Variants in DRC3 observed in about 807,000 individuals in gnomAD.
The protein encoded by DRC3 is dynein regulatory complex subunit 3, also known as leucine rich repeat containing 48.
A neutral mutation model predicts 57.6 loss-of-function variants in DRC3; 45 were observed. The observed-to-expected ratio is 0.78, with a 90% CI of 0.62 to 1.00. DRC3 has a LOEUF of 1.00. Among genes scored for constraint, DRC3 ranks in the 50% least tolerant of loss-of-function variants. The probability of loss-of-function intolerance (pLI) is 0.00; values close to 1 mark genes in which losing one functional copy is unlikely to be tolerated. For synonymous variants in DRC3, 257 were observed against 272.3 expected, an observed-to-expected ratio of 0.94 and a Z score of 0.55; for missense variants, 655 against 675.2, an observed-to-expected ratio of 0.97 and a Z score of 0.33.
At chr17:17,981,361 G>A in intron 3 of DRC3, 1 of 207,346 alleles carries the variant, frequency 4.8e-6, no homozygotes. Flanking sequence ...GGCATTGGCA[G>A]GGTACCAAGT....
chr17:17,979,056 G>A (rs1488423211), intron 3 of DRC3, among the ~76,000 whole-genome samples: 1 of 152,244 alleles, frequency 6.6e-6, no homozygotes, highest in East Asian at 1.9e-4. Context: ...TGGGGGTGGA[G>A]TACAGTGTTT....
intron 2 of DRC3, among the ~76,000 whole-genome samples, chr17:17,974,501 A>G (rs751994696): frequency 1.3e-5 from 2 of 152,148 alleles, no homozygotes; most frequent in Non-Finnish European, 2.9e-5. Flanking sequence ...CCTCCAGGGT[A>G]GCTGGGACTA....
intron 5 of DRC3, among the ~76,000 whole-genome samples, 198 bp from the exon 6 acceptor site, chr17:17,992,567 C>G (rs2145324638): frequency 6.6e-6 from 1 of 152,178 alleles, no homozygotes; most frequent in East Asian, 1.9e-4. Flanking sequence ...TTTGAAAAGC[C>G]CATTTCTGAC....
chr17:17,975,610 A>G (rs2042350787), intron 2 of DRC3, among the ~76,000 whole-genome samples: 1 of 151,802 alleles, frequency 6.6e-6, no homozygotes, highest in African/African-American at 2.4e-5. Context: ...ATGACAAGTT[A>G]TGGGAAACCG....
chr17:18,015,228 G>A (rs977376363), intron 12 of DRC3: 4 of 152,164 alleles, frequency 2.6e-5, no homozygotes, highest in Non-Finnish European at 5.9e-5. Context: ...TGCACAGAAC[G>A]TTTTAGAGAC....
intron 2 of DRC3, among the ~76,000 whole-genome samples, chr17:17,977,140 A>G (rs1015395402): frequency 1.3e-5 from 2 of 152,162 alleles, no homozygotes; most frequent in Non-Finnish European, 2.9e-5. Flanking sequence ...TGAGGTGCTC[A>G]AGGAAGAGGA....
At position 17,992,819 on chromosome 17, in the gene DRC3, C is replaced by T; in HGVS notation, c.499C>T (p.Pro167Ser). The change falls in exon 6 of 14, where the codon CCT becomes TCT. Residue 167 changes from proline to serine, a missense_variant. By Grantham distance (74) the Pro-to-Ser change is moderately conservative. Transcript: ENST00000399187. ...CLRTLSLSRN[P>S]ISEAEDYKMF... is the part of the protein sequence containing the mutation. ...GCGGACGCTCAGCCTCTCTAGGAAC[C>T]CTATCTCTGAGGCAGAGGATTACAA... 1 of 1,613,930 alleles carries T rather than the reference C, an allele frequency of 6.2e-7. No homozygotes were observed. The highest frequency in any genetic ancestry group is 8.5e-7 in the Non-Finnish European group (1 of 1,179,838).
chr17:17,976,035 C>T (rs1158101047), intron 2 of DRC3, among the ~76,000 whole-genome samples: 2 of 152,164 alleles, frequency 1.3e-5, no homozygotes, highest in African/African-American at 4.8e-5. Context: ...ATCAGCCCTG[C>T]ACCAGGAGTT....
intron 4 of DRC3, among the ~76,000 whole-genome samples, chr17:17,986,952 C>A (rs2042989608): frequency 6.6e-6 from 1 of 152,140 alleles, no homozygotes; most frequent in African/African-American, 2.4e-5. Flanking sequence ...GTGGCTCACA[C>A]CTGTAATCCC....
At chr17:17,994,529 A>C in intron 7 of DRC3, 111 bp downstream of exon 7, 12 of 1,407,326 alleles carry the variant, frequency 8.5e-6, no homozygotes, top group African/African-American at 1.4e-5. Context: ...CACAGAAATC[A>C]TGCTCCCTCC....
At chr17:17,999,600 G>A (rs1240407979) in intron 9 of DRC3, among the ~76,000 whole-genome samples, 1 of 152,198 alleles carries the variant, frequency 6.6e-6, no homozygotes, top group South Asian at 2.1e-4. Flanking sequence ...AGTGAGTCAC[G>A]TTTCAGGGTC....
chr17:18,004,575 C>T (rs1426108775), intron 10 of DRC3, 81 bp downstream of exon 10: 1 of 1,503,766 alleles, frequency 6.6e-7, no homozygotes, highest in Non-Finnish European at 9.0e-7. Context: ...CCTTCATGGG[C>T]ACGCCTCTGC....
rs189899355 is a variant in DRC3 at position 18,010,307 on chromosome 17, T to C, written c.1326+3160T>C. Among the ~76,000 whole-genome samples the C allele has an allele frequency of 5.3e-5, 8 of 152,256 alleles. No homozygotes were observed. In the East Asian group the frequency reaches 1.2e-3, roughly 22 times the overall value. On this transcript the variant is annotated intron_variant, in intron 12 of 13. Coordinates refer to ENST00000399187, the MANE Select transcript of DRC3 (RefSeq NM_031294.4). The stretch of plus-strand genomic sequence containing the variant: ...TGGAATGATCTGATCCCACATGCCA[T>C]GGGGCAGCAAGTCCTCAAGCCACTA...
At chr17:17,986,976 C>T (rs975845664) in intron 4 of DRC3, among the ~76,000 whole-genome samples, 3 of 151,862 alleles carry the variant, frequency 2.0e-5, no homozygotes, top group Non-Finnish European at 1.5e-5. Context: ...TTTGGGAGGC[C>T]GAGGTGGGAG....
At chr17:17,997,294 C>T (rs2043499014) in intron 8 of DRC3, among the ~76,000 whole-genome samples, 166 bp from the exon 9 acceptor site, 1 of 152,160 alleles carries the variant, frequency 6.6e-6, no homozygotes, top group South Asian at 2.1e-4. Flanking sequence ...CTCTCTGGGC[C>T]TTTGATTTCT....
intron 9 of DRC3, 23 bp from the exon 10 acceptor site, chr17:18,004,340 A>G (rs1362003658): frequency 3.8e-6 from 6 of 1,588,272 alleles, no homozygotes; most frequent in Admixed American, 1.8e-5. Flanking sequence ...GTTGATTCCT[A>G]AAGTGCAGTC....
chr17:18,008,923 G>A lies in DRC3; in HGVS notation c.1326+1776G>A, dbSNP rs1038798692. Among the ~76,000 whole-genome samples, 1 of 152,152 alleles carries A rather than the reference G, an allele frequency of 6.6e-6. No individual in the cohort carries two copies. The highest frequency in any genetic ancestry group is 2.4e-5 in the African/African-American group (1 of 41,424). ...CACACAGAAAAAGATGAATCCAGAG[G>A]CCAACAGCAGAGAAGCAGGCTGGGC... On this transcript the variant is annotated intron_variant, in intron 12 of 13. Transcript: ENST00000399187. The surrounding 1 kb of genome is among the most constrained non-coding windows in gnomAD (Gnocchi z 4.3).
intron 10 of DRC3, chr17:18,004,833 C>T: frequency 4.1e-6 from 1 of 245,942 alleles, no homozygotes; most frequent in Non-Finnish European, 7.9e-6. Flanking sequence ...CAAACAAAGA[C>T]CCCTCCGCAT....
At chr17:17,994,134 C>CA in intron 6 of DRC3, 165 bp from the exon 7 acceptor site, 1 of 839,532 alleles carries the variant, frequency 1.2e-6, no homozygotes, top group Non-Finnish European at 1.8e-6. Flanking sequence ...AGGAGATGGG[C>CA]ATTCTCATCC....
Sources: allele counts gnomAD v4.1 joint callset (sites outside exome capture counted in the v4.1 genomes callset), GRCh38; gene constraint gnomAD v4.1.1; non-coding constraint Gnocchi (gnomAD v3.1); transcripts MANE v1.5; gene names NCBI Gene and HGNC (gene_info 2026-07-23, HGNC 2026-07-21).